The following GGA3 variants were observed in gnomAD, a reference collection of about 807,000 sequenced individuals.
The protein encoded by GGA3 is ADP-ribosylation factor-binding protein GGA3.
A neutral mutation model predicts 77.5 loss-of-function variants in GGA3; 57 were observed. The observed-to-expected ratio is 0.74, with a 90% CI of 0.59 to 0.92. The LOEUF (loss-of-function observed/expected upper bound fraction) is 0.92, where lower values mean the gene tolerates loss of function less well. Ranked by LOEUF, GGA3 falls within the 40% of genes least tolerant of loss-of-function variation. GGA3 has a pLI of 0.00. For missense variants in GGA3, 970 were observed against 914.9 expected, an observed-to-expected ratio of 1.06 and a Z score of -0.78; for synonymous variants, 416 against 383.7, an observed-to-expected ratio of 1.08 and a Z score of -0.98.
rs942018537 is a variant in GGA3, at chr17:75,253,155, C to G, written c.41-6359G>C. On this transcript the variant is annotated intron_variant, in intron 1 of 16. Coordinates refer to ENST00000537686, the MANE Select transcript of GGA3 (RefSeq NM_138619.4). ...AAAGATCCACCTACGACCTCAGGTC[C>G]TCAGACCCACCAGCCCAAGGAACAT... 4.6e-5 allele frequency among the ~76,000 whole-genome samples: 7 copies of G among 152,338 alleles called. No homozygotes were observed. In the South Asian group the frequency reaches 1.5e-3, roughly 32 times the overall value.
At position 75,238,711 on chromosome 17, in the gene GGA3, T is replaced by G. The variant is rs1174591299; in HGVS notation, c.2002A>C (p.Ser668Arg). Reference sequence around the variant, plus strand: ...ATGGCTGCAGGTGGCTGGATGGGGCTAAATGGAGAGAGTTCTGTCCCAGAA... The same window carrying G: ...ATGGCTGCAGGTGGCTGGATGGGGCGAAATGGAGAGAGTTCTGTCCCAGAA... ...PPSGTELSPF[S>R]PIQPPAAITQ... The change falls in exon 16 of 17, where the codon AGC (serine) becomes CGC (arginine). Residue 668 changes from serine to arginine, a missense_variant. By Grantham distance (110) the Ser-to-Arg change is moderately radical (BLOSUM62 -1). Coordinates refer to ENST00000537686, the MANE Select transcript of GGA3 (RefSeq NM_138619.4). The G allele has an allele frequency of 3.1e-6, 5 of 1,613,918 alleles. No individual in the cohort carries two copies. In the African/African-American group the frequency reaches 5.3e-5, roughly 17 times the overall value.
chr17:75,246,542 G>A lies in GGA3; in HGVS notation c.168C>T (p.Ser56=). ...AVRLLAHKIQ[S]PQEWEALQAL... is the part of the protein sequence containing the mutation. ...CCTGGAGCGCCTCCCATTCCTGTGG[G>A]GACTGGATCTTGTGGGCCAGCAGTC... Residue 56 remains serine (S), a synonymous_variant, in exon 3 of 17, where the codon TCC becomes TCT. Transcript: ENST00000537686. 1 of 1,613,764 alleles carries A rather than the reference G, an allele frequency of 6.2e-7. No individual in the cohort carries two copies. Among genetic ancestry groups the A allele is most frequent in the Non-Finnish European group, 8.5e-7 (1 of 1,179,656 alleles).
rs768897480 is a variant in GGA3, at chr17:75,239,048, C to T, written c.1816G>A (p.Gly606Ser). 1.2e-5 allele frequency: 20 copies of T among 1,613,678 alleles called. No homozygotes were observed. The highest frequency in any genetic ancestry group is 2.7e-5 in the African/African-American group (2 of 74,900). ...ALPVTAYDKN[G>S]FRILFHFAKE... ...GCAAAGTGGAAGAGGATGCGGAAGC[C>T]GTTTTTATCGTAGGCTGTCACAGGA... The change falls in exon 15 of 17, where the codon GGC becomes AGC. Residue 606 changes from glycine to serine, a missense_variant. By Grantham distance (56) the Gly-to-Ser change is moderately conservative (BLOSUM62 0). Transcript: ENST00000537686.
In GGA3 at chr17:75,238,908, T is replaced by G; in HGVS notation, c.1950+6A>C. ...GGCCGTTTTGGCCCCAGGGAGACAC[T>G]GGTACCTTGGGCACTGCAGCCTGCA... On this transcript the variant is annotated splice_donor_region_variant and intron_variant, in intron 15 of 16. Transcript: ENST00000537686. The G allele has an allele frequency of 6.2e-7, 1 of 1,613,528 alleles. No homozygotes were observed. Among genetic ancestry groups the G allele is most frequent in the Non-Finnish European group, 8.5e-7 (1 of 1,179,710 alleles).
chr17:75,237,681 C>T lies in GGA3; in HGVS notation c.*598G>A. The T allele has an allele frequency of 6.8e-7, 1 of 1,475,580 alleles. No individual in the cohort carries two copies. Among genetic ancestry groups the T allele is most frequent in the South Asian group, 1.4e-5 (1 of 73,970 alleles). The allele number at this position is 1,475,580 out of a possible 1,614,324, so 91.4% of individuals were successfully genotyped here. On this transcript the variant is annotated 3_prime_UTR_variant, in exon 17 of 17. Coordinates refer to ENST00000537686, the MANE Select transcript of GGA3 (RefSeq NM_138619.4). Reference sequence around the variant, plus strand: ...AAGCACACAACTCATCACTCCGTGGCCATTCCAGGACGATGCTGTCCACCA... The same window carrying T: ...AAGCACACAACTCATCACTCCGTGGTCATTCCAGGACGATGCTGTCCACCA...
intron 1 of GGA3, among the ~76,000 whole-genome samples, chr17:75,254,910 C>T (rs554577245): frequency 2.0e-5 from 3 of 152,238 alleles, no homozygotes; most frequent in South Asian, 2.1e-4. Context: ...TCCTCCTAAG[C>T]GAGTCCCATC....
intron 1 of GGA3, among the ~76,000 whole-genome samples, chr17:75,249,385 C>G (rs2076882843): frequency 6.6e-6 from 1 of 152,166 alleles, no homozygotes; most frequent in African/African-American, 2.4e-5. Context: ...TGTCTTCAAT[C>G]TTGAAAGAGA....
intron 1 of GGA3, among the ~76,000 whole-genome samples, chr17:75,248,245 G>A (rs1244092298): frequency 6.6e-6 from 1 of 151,914 alleles, no homozygotes; most frequent in African/African-American, 2.4e-5. Flanking sequence ...GCCGAGGCGG[G>A]CGGATCACGA....
chr17:75,261,671 A>C (rs2077390442), upstream of GGA3: 6 of 1,341,326 alleles, frequency 4.5e-6, no homozygotes, highest in South Asian at 7.3e-5. Context: ...TGGGGTCCTG[A>C]GAGGAGTGAG....
intron 1 of GGA3, among the ~76,000 whole-genome samples, chr17:75,257,278 GCCC>G (rs368611634): frequency 5.1e-5 from 3 of 58,898 alleles, no homozygotes; most frequent in African/African-American, 8.9e-5. Context: ...CTTAGACTGT[GCCC>G]CCCCCCCCAA....
chr17:75,260,127 C>A (rs2077301399), intron 1 of GGA3, among the ~76,000 whole-genome samples: 1 of 152,166 alleles, frequency 6.6e-6, no homozygotes, highest in South Asian at 2.1e-4. Context: ...CCAGCCTAGA[C>A]AACAGCGCGC....
At chr17:75,253,362 G>A (rs899505031) in intron 1 of GGA3, among the ~76,000 whole-genome samples, 2 of 152,158 alleles carry the variant, frequency 1.3e-5, no homozygotes, top group East Asian at 1.9e-4. Flanking sequence ...AAACTCTGGC[G>A]CTGGTCACAG....
In GGA3 at chr17:75,237,353, G is replaced by T; in HGVS notation, c.*926C>A. 2.4e-6 allele frequency: 2 copies of T among 824,200 alleles called. No individual in the cohort carries two copies. The highest frequency in any genetic ancestry group is 2.7e-5 in the East Asian group (1 of 37,674). The allele number at this position is 824,200 out of a possible 1,614,324, so 51.1% of individuals were successfully genotyped here. ...TGAGGCCTCCTGTGTCCAGCCACAG[G>T]TGCCACACCACATGCCATCTGGTGA... is the stretch of plus-strand genomic sequence containing the variant. On this transcript the variant is annotated 3_prime_UTR_variant, in exon 17 of 17. Coordinates refer to ENST00000537686, the MANE Select transcript of GGA3 (RefSeq NM_138619.4).
At chr17:75,249,041 ATATT>A (rs539658993) in intron 1 of GGA3, 89 of 964,792 alleles carry the variant, frequency 9.2e-5, no homozygotes, top group African/African-American at 1.2e-4. Context: ...GTTTAGGTTC[ATATT>A]TATTTATTTA....
At chr17:75,256,351 G>A (rs952803109) in intron 1 of GGA3, among the ~76,000 whole-genome samples, 3 of 151,540 alleles carry the variant, frequency 2.0e-5, no homozygotes, top group Non-Finnish European at 4.4e-5. Context: ...TCTGCTCCCC[G>A]GCTCCTTCAG....
chr17:75,248,389 C>T (rs1352196783), intron 1 of GGA3, among the ~76,000 whole-genome samples: 22 of 132,038 alleles, frequency 1.7e-4, no homozygotes, highest in African/African-American at 4.9e-4. Context: ...GAGAATGGCG[C>T]GAACCCGGGG....
intron 1 of GGA3, among the ~76,000 whole-genome samples, chr17:75,255,346 TTAAC>T (rs1248213563): frequency 2.0e-5 from 3 of 152,108 alleles, no homozygotes; most frequent in Non-Finnish European, 2.9e-5. Flanking sequence ...CCGAGACACT[TTAAC>T]TAAATTATCT....
intron 1 of GGA3, among the ~76,000 whole-genome samples, chr17:75,248,646 C>T (rs1367554813): frequency 9.9e-5 from 15 of 151,374 alleles, no homozygotes; most frequent in African/African-American, 2.9e-4. Flanking sequence ...ATTAGCTGGG[C>T]ATGGTGGCAC....
At position 75,260,861 on chromosome 17, in the gene GGA3, T is replaced by C. The variant is rs548615927; in HGVS notation, c.40+687A>G. ...AGCTTCAGACTGTGCTCCTCAGCCT[T>C]ACTCAGAATAGGCTATCAACACTGA... On this transcript the variant is annotated intron_variant, in intron 1 of 16. Coordinates refer to ENST00000537686, the MANE Select transcript of GGA3 (RefSeq NM_138619.4). 5.3e-5 allele frequency among the ~76,000 whole-genome samples: 8 copies of C among 151,900 alleles called. No homozygotes were observed. In the South Asian group the frequency reaches 1.7e-3, roughly 32 times the overall value.
Sources: gnomAD v4.1 joint callset for allele counts (sites outside exome capture counted in the v4.1 genomes callset) on GRCh38, gnomAD v4.1.1 for gene constraint, MANE v1.5 for transcripts, NCBI Gene and HGNC (gene_info 2026-07-23, HGNC 2026-07-21) for gene names.